ARHGAP5: variants seen among roughly 807,000 people sequenced by gnomAD.
The protein encoded by ARHGAP5 is rho GTPase-activating protein 5.
In ARHGAP5, 23 loss-of-function variants were observed where a neutral mutation model predicts 116.6. The observed-to-expected ratio is 0.20, with a 90% CI of 0.14 to 0.28. ARHGAP5 has a LOEUF of 0.28. Among genes scored for constraint, ARHGAP5 ranks in the 10% least tolerant of loss-of-function variants. The pLI, the probability that ARHGAP5 is intolerant of heterozygous loss-of-function variation, is 1.00. For missense variants in ARHGAP5, 1,405 were observed against 1,774.8 expected, an observed-to-expected ratio of 0.79 and a Z score of 3.74; for synonymous variants, 574 against 602.0, an observed-to-expected ratio of 0.95 and a Z score of 0.68.
intron 3 of ARHGAP5, among the ~76,000 whole-genome samples, chr14:32,129,828 C>G (rs1880378814): frequency 6.6e-6 from 1 of 152,134 alleles, no homozygotes; most frequent in Admixed American, 6.5e-5. Flanking sequence ...TTGGTTAAAC[C>G]TCTGGTTACT....
chr14:32,137,536 C>A (rs780852454), intron 3 of ARHGAP5, among the ~76,000 whole-genome samples: 1 of 151,888 alleles, frequency 6.6e-6, no homozygotes, highest in Non-Finnish European at 1.5e-5. Context: ...TTTCAAGATT[C>A]CTTTAGCTAC....
chr14:32,079,072 C>G (rs1226776374), intron 1 of ARHGAP5, among the ~76,000 whole-genome samples: 4 of 152,192 alleles, frequency 2.6e-5, no homozygotes, highest in Non-Finnish European at 4.4e-5. Context: ...CAAAAACTTG[C>G]AAAGACACTG....
Position 32,091,571 on chromosome 14 carries a change from C to G in ARHGAP5, c.902C>G (p.Pro301Arg). 1 of 1,612,146 alleles carries G rather than the reference C, an allele frequency of 6.2e-7. No individual in the cohort carries two copies. Among genetic ancestry groups the G allele is most frequent in the Non-Finnish European group, 8.5e-7 (1 of 1,179,288 alleles). The change falls in exon 2 of 7, where the codon CCT becomes CGT. Residue 301 changes from proline to arginine, a missense_variant. Pro to Arg is a moderately radical substitution (Grantham distance 103, BLOSUM62 -2). This residue lies in a region of ARHGAP5 where 944 missense variants were observed against 1,095.3 expected (regional missense o/e 0.86). Transcript: ENST00000345122. ...GTTAGTAATAAATTAAAAAATCATCCTGATTATGAAGAATACATCAACTTA... is the reference window on the plus strand; with the variant it reads ...GTTAGTAATAAATTAAAAAATCATCGTGATTATGAAGAATACATCAACTTA... ...KTVSNKLKNH[P>R]DYEEYINLEG...
At chr14:32,130,807 A>G (rs1272910500) in intron 3 of ARHGAP5, among the ~76,000 whole-genome samples, 1 of 152,238 alleles carries the variant, frequency 6.6e-6, no homozygotes, top group Non-Finnish European at 1.5e-5. Context: ...CTGGGATTAC[A>G]GGCATGAGCC....
At chr14:32,135,453 C>G (rs539725421) in intron 3 of ARHGAP5, among the ~76,000 whole-genome samples, 1 of 152,278 alleles carries the variant, frequency 6.6e-6, no homozygotes, top group South Asian at 2.1e-4. Flanking sequence ...GGTGGAGTCT[C>G]CCTCTGTTGC....
chr14:32,088,672 C>T (rs2041854453), intron 1 of ARHGAP5, among the ~76,000 whole-genome samples: 1 of 151,948 alleles, frequency 6.6e-6, no homozygotes, highest in South Asian at 2.1e-4. Flanking sequence ...TAGGATTGAA[C>T]GGGACTGCCC....
At chr14:32,114,098 C>G (rs1879438563) in intron 2 of ARHGAP5, among the ~76,000 whole-genome samples, 2 of 152,104 alleles carry the variant, frequency 1.3e-5, no homozygotes, top group Admixed American at 1.3e-4. Context: ...CGTGATGGCA[C>G]ACGCCTGTAG....
In ARHGAP5 at chr14:32,121,256, CAT is replaced by C. The variant is rs532039283; in HGVS notation, c.3865+3972_3865+3973del. Reference sequence around the variant, plus strand: ...CTCCTGAGCTCAAGCAATCTTCCCACATATGTTTGTTCTGAAGTCTACTTTGC... The same window carrying C: ...CTCCTGAGCTCAAGCAATCTTCCCACATGTTTGTTCTGAAGTCTACTTTGC... On this transcript the variant is annotated intron_variant, in intron 3 of 6. Transcript: ENST00000345122. 3.9e-5 allele frequency among the ~76,000 whole-genome samples: 6 copies of C among 152,186 alleles called. No homozygotes were observed. The South Asian group carries it at 8.3e-4, about 21-fold the overall frequency.
intron 6 of ARHGAP5, chr14:32,154,169 G>A (rs1881787348): frequency 6.4e-6 from 1 of 157,010 alleles, no homozygotes. Context: ...TTTTGAGACG[G>A]AATTTCACTT....
At chr14:32,136,695 C>T (rs2139118017) in intron 3 of ARHGAP5, among the ~76,000 whole-genome samples, 1 of 152,326 alleles carries the variant, frequency 6.6e-6, no homozygotes, top group Non-Finnish European at 1.5e-5. Flanking sequence ...TTATTTTCTA[C>T]AGCAGCTACA....
In ARHGAP5 at chr14:32,085,358, G is replaced by A. The variant is rs1214903108; in HGVS notation, c.-168-5144G>A. Among the ~76,000 whole-genome samples, 4 of 152,104 alleles carry A rather than the reference G, an allele frequency of 2.6e-5. No homozygotes were observed. In the South Asian group the frequency reaches 8.3e-4, roughly 32 times the overall value. ...CCAGCTAGACAGGAGGCTGAGATGA[G>A]AGGATCACCTGAGCGCAGGAGTTCG... is the stretch of plus-strand genomic sequence containing the variant. On this transcript the variant is annotated intron_variant, in intron 1 of 6. Coordinates refer to ENST00000345122, the MANE Select transcript of ARHGAP5 (RefSeq NM_001030055.2).
intron 2 of ARHGAP5, among the ~76,000 whole-genome samples, 200 bp from the exon 3 acceptor site, chr14:32,116,940 A>AT (rs201817898): frequency 1.1e-3 from 171 of 150,672 alleles, no homozygotes; most frequent in African/African-American, 3.4e-3. Context: ...TCAATAAGCC[A>AT]TTTTTTTTTC....
At chr14:32,107,370 G>A (rs1186323166) in intron 2 of ARHGAP5, among the ~76,000 whole-genome samples, 1 of 152,154 alleles carries the variant, frequency 6.6e-6, no homozygotes, top group Admixed American at 6.5e-5. Context: ...TGAAGAATTA[G>A]GTAAATGAAA....
intron 2 of ARHGAP5, 141 bp downstream of exon 2, chr14:32,094,527 G>C: frequency 3.5e-6 from 2 of 572,756 alleles, no homozygotes; most frequent in Non-Finnish European, 5.7e-6. Context: ...TGAGTATTCT[G>C]TGGGGATAAG....
chr14:32,144,159 C>T (rs1881264958), intron 3 of ARHGAP5, among the ~76,000 whole-genome samples: 2 of 151,968 alleles, frequency 1.3e-5, no homozygotes, highest in Non-Finnish European at 2.9e-5. Flanking sequence ...TAGCAGGGAA[C>T]GTGTCAATGA....
chr14:32,086,525 G>A (rs909377450), intron 1 of ARHGAP5, among the ~76,000 whole-genome samples: 12 of 150,648 alleles, frequency 8.0e-5, no homozygotes, highest in African/African-American at 2.7e-4. Context: ...AAACTGAAAA[G>A]TTAAGGATAT....
At chr14:32,137,263 A>G (rs1478583466) in intron 3 of ARHGAP5, among the ~76,000 whole-genome samples, 1 of 148,072 alleles carries the variant, frequency 6.8e-6, no homozygotes. Flanking sequence ...TGAGGTAGAG[A>G]TCTAAATTCG....
chr14:32,116,809 C>A (rs1338245505), intron 2 of ARHGAP5, among the ~76,000 whole-genome samples: 1 of 152,188 alleles, frequency 6.6e-6, no homozygotes, highest in South Asian at 2.1e-4. Flanking sequence ...ATATATCACA[C>A]CTAAACTGAA....
At chr14:32,104,873 G>A (rs1401743631) in intron 2 of ARHGAP5, among the ~76,000 whole-genome samples, 3 of 152,150 alleles carry the variant, frequency 2.0e-5, no homozygotes, top group Admixed American at 6.5e-5. Flanking sequence ...TAGCACAGTG[G>A]CTATCAACCA....
Sources: gnomAD v4.1 joint callset for allele counts (sites outside exome capture counted in the v4.1 genomes callset) on GRCh38, gnomAD v4.1.1 for gene constraint, gnomAD v4.1.1 regional missense constraint, MANE v1.5 for transcripts, NCBI Gene and HGNC (gene_info 2026-07-23, HGNC 2026-07-21) for gene names.